The following ZC3H12B variants were observed in gnomAD, a reference collection of about 807,000 sequenced individuals.
The protein encoded by ZC3H12B is probable ribonuclease ZC3H12B.
In ZC3H12B, 7 loss-of-function variants were observed where a neutral mutation model predicts 43.9. That is an observed-to-expected ratio of 0.16 (90% CI 0.09 to 0.30). ZC3H12B has a LOEUF of 0.30. Among genes scored for constraint, ZC3H12B ranks in the 10% least tolerant of loss-of-function variants. The probability of loss-of-function intolerance (pLI) is 1.00; values close to 1 mark genes in which losing one functional copy is unlikely to be tolerated. For missense variants in ZC3H12B, 475 were observed against 670.2 expected, an observed-to-expected ratio of 0.71 and a Z score of 3.22; for synonymous variants, 222 against 241.7, an observed-to-expected ratio of 0.92 and a Z score of 0.76.
chrX:65,115,708 G>A, the ZC3H12B span, among the ~76,000 whole-genome samples: 10 of 110,956 alleles, frequency 9.0e-5, no homozygotes, highest in Non-Finnish European at 1.5e-4. Flanking sequence ...CTACATTGAT[G>A]CCAGCATGTA....
chrX:65,330,166 T>A, the ZC3H12B span, among the ~76,000 whole-genome samples: 1 of 110,152 alleles, frequency 9.1e-6, no homozygotes, highest in Non-Finnish European at 1.9e-5. Flanking sequence ...TGATATTGAT[T>A]CTTCCTACCC....
At chrX:65,173,704 G>GT in the ZC3H12B span, among the ~76,000 whole-genome samples, 1 of 111,829 alleles carries the variant, frequency 8.9e-6, no homozygotes, top group African/African-American at 3.3e-5. Context: ...CATTTGTTCT[G>GT]TTTTTGTGAT....
chrX:65,496,811 C>G (rs1401406262), intron 1 of ZC3H12B, among the ~76,000 whole-genome samples: 1 of 109,303 alleles, frequency 9.1e-6, no homozygotes, highest in African/African-American at 3.3e-5. Flanking sequence ...CAAAAATTAG[C>G]TGGGCATGGT....
chrX:65,120,283 C>G, the ZC3H12B span, among the ~76,000 whole-genome samples: 288 of 111,448 alleles, frequency 2.6e-3, 2 homozygotes, highest in African/African-American at 7.9e-3. Flanking sequence ...CCATGAGCAT[C>G]GAATGTTCTT....
chrX:65,229,417 A>C, the ZC3H12B span, among the ~76,000 whole-genome samples: 1 of 107,672 alleles, frequency 9.3e-6, no homozygotes, highest in East Asian at 2.9e-4. Context: ...GTTAGACCTA[A>C]AACCATAAAA....
At chrX:65,396,913 T>C (rs922442745) in intron 2 of ZC3H12B, among the ~76,000 whole-genome samples, 9 of 111,942 alleles carry the variant, frequency 8.0e-5, no homozygotes, top group Middle Eastern at 4.6e-3. Context: ...ATATTTAGGA[T>C]AGTTAGCTCT....
chrX:65,430,881 G>T (rs1418169007), intron 3 of ZC3H12B, among the ~76,000 whole-genome samples: 3 of 110,974 alleles, frequency 2.7e-5, no homozygotes, highest in African/African-American at 6.6e-5. Flanking sequence ...TTCTCCATAG[G>T]TTGAGTTGTT....
Position 65,372,167 on chromosome X carries a change from A to G in ZC3H12B, n.295+3169A>G, listed in dbSNP as rs146165672. 2.9e-3 allele frequency among the ~76,000 whole-genome samples: 322 copies of G among 112,284 alleles called. 3 individuals carry two copies. Among genetic ancestry groups the G allele is most frequent in the African/African-American group, 9.9e-3 (308 of 31,001 alleles). On this transcript the variant is annotated intron_variant and non_coding_transcript_variant, in intron 2 of 5. Coordinates refer to the ZC3H12B transcript ENST00000617377. ...TTTGACAAATAAATGATTTGTGAAG[A>G]TGGAAGCCATTAACTTGCTTATTAG...
chrX:65,285,987 T>C, the ZC3H12B span, among the ~76,000 whole-genome samples: 1 of 111,992 alleles, frequency 8.9e-6, no homozygotes, highest in Admixed American at 9.5e-5. Flanking sequence ...AGATAGCCAC[T>C]ATAGAAAGCA....
intron 2 of ZC3H12B, among the ~76,000 whole-genome samples, chrX:65,369,515 C>A (rs1005253619): frequency 9.1e-6 from 1 of 109,341 alleles, no homozygotes; most frequent in Non-Finnish European, 1.9e-5. Context: ...CTGTGACTAT[C>A]ATTTCATGCT....
At chrX:65,452,324 T>C (rs1361382974) in intron 3 of ZC3H12B, among the ~76,000 whole-genome samples, 1 of 111,390 alleles carries the variant, frequency 9.0e-6, no homozygotes, top group Non-Finnish European at 1.9e-5. Context: ...GATAAATGAA[T>C]TCAGCAAAGT....
At chrX:65,158,276 G>T in the ZC3H12B span, among the ~76,000 whole-genome samples, 4 of 111,061 alleles carry the variant, frequency 3.6e-5, no homozygotes, top group African/African-American at 9.8e-5. Context: ...ACAGTTCTTT[G>T]GGTATATAGC....
chrX:65,102,389 A>G, the ZC3H12B span, among the ~76,000 whole-genome samples: 1 of 111,966 alleles, frequency 8.9e-6, no homozygotes, highest in African/African-American at 3.3e-5. Context: ...GGCCAGAGCA[A>G]TCAGGCAAGA....
At chrX:65,043,720 A>C in the ZC3H12B span, among the ~76,000 whole-genome samples, 62 of 111,996 alleles carry the variant, frequency 5.5e-4, 1 homozygote, top group East Asian at 8.0e-3. Flanking sequence ...AACCGAAATA[A>C]TATCAGAAGC....
At chrX:65,166,437 T>C in the ZC3H12B span, among the ~76,000 whole-genome samples, 1 of 111,966 alleles carries the variant, frequency 8.9e-6, no homozygotes, top group South Asian at 3.8e-4. Context: ...CTTAATCCAG[T>C]CTATCATTGA....
At chrX:65,190,223 A>C in the ZC3H12B span, among the ~76,000 whole-genome samples, 1 of 110,276 alleles carries the variant, frequency 9.1e-6, no homozygotes, top group Non-Finnish European at 1.9e-5. Context: ...GTTTGAAGTC[A>C]GGTAGTGTGA....
chrX:65,267,519 G>A, the ZC3H12B span, among the ~76,000 whole-genome samples: 3 of 110,539 alleles, frequency 2.7e-5, no homozygotes, highest in South Asian at 7.5e-4. Context: ...GAAAAAAAAT[G>A]TCTGTAAGGA....
At chrX:65,240,042 T>C in the ZC3H12B span, among the ~76,000 whole-genome samples, 1 of 111,350 alleles carries the variant, frequency 9.0e-6, no homozygotes, top group Non-Finnish European at 1.9e-5. Flanking sequence ...AATCTGATGA[T>C]TATGTGTCTT....
chrX:65,089,304 C>A, the ZC3H12B span, among the ~76,000 whole-genome samples: 1 of 111,882 alleles, frequency 8.9e-6, no homozygotes, highest in Non-Finnish European at 1.9e-5. Flanking sequence ...AGGCTACAAA[C>A]CTGTACAGCA....
Sources: allele counts gnomAD v4.1 joint callset (sites outside exome capture counted in the v4.1 genomes callset), GRCh38; gene constraint gnomAD v4.1.1; transcripts MANE v1.5; gene names NCBI Gene and HGNC (gene_info 2026-07-23, HGNC 2026-07-21).